The following ZNF451 variants were observed in gnomAD, a reference collection of about 807,000 sequenced individuals.
The protein encoded by ZNF451 is E3 SUMO-protein ligase ZNF451.
Under a neutral mutation model 107.1 loss-of-function variants are expected in ZNF451, and 80 were observed. The observed-to-expected ratio is 0.75, with a 90% CI of 0.62 to 0.90. The LOEUF (loss-of-function observed/expected upper bound fraction) is 0.90. Among genes scored for constraint, ZNF451 ranks in the 40% least tolerant of loss-of-function variants. The probability of loss-of-function intolerance (pLI) is 0.00; values close to 1 mark genes in which losing one functional copy is unlikely to be tolerated. For missense variants in ZNF451, 1,107 were observed against 1,236.2 expected (o/e 0.90, Z 1.57); for synonymous variants, 362 against 406.5 (o/e 0.89, Z 1.32).
chr6:57,147,872 C>G lies in ZNF451; in HGVS notation c.1787C>G (p.Ser596Cys). ...TCAGCTATTACTGTTATTGATCATT[C>G]CCCGGCAAATAGTTCTCCGAGGGGT... Reference protein sequence around the residue: ...PSSAITVIDHSPANSSPRGKW... With the variant: ...PSSAITVIDHCPANSSPRGKW... Residue 596 changes from serine to cysteine, a missense_variant, in exon 10 of 15, where the codon TCC becomes TGC. Ser to Cys is a moderately radical substitution (Grantham distance 112). This residue lies in a region of ZNF451 where 608 missense variants were observed against 649.2 expected (regional missense o/e 0.94). Coordinates refer to ENST00000370706, the MANE Select transcript of ZNF451 (RefSeq NM_001031623.3). 1.2e-6 allele frequency: 2 copies of G among 1,614,114 alleles called. No individual in the cohort carries two copies. The highest frequency in any genetic ancestry group is 1.7e-6 in the Non-Finnish European group (2 of 1,179,998).
intron 2 of ZNF451, among the ~76,000 whole-genome samples, chr6:57,095,613 G>A (rs76474754): frequency 5.3e-5 from 8 of 151,528 alleles, no homozygotes; most frequent in African/African-American, 1.5e-4. Context: ...GATTATAGGC[G>A]TGATCTACCA....
chr6:57,160,400 C>T (rs1763620225), intron 13 of ZNF451, among the ~76,000 whole-genome samples: 1 of 151,610 alleles, frequency 6.6e-6, no homozygotes, highest in Non-Finnish European at 1.5e-5. Flanking sequence ...GTGGCGTGAT[C>T]TCAGCTCACT....
intron 9 of ZNF451, among the ~76,000 whole-genome samples, chr6:57,144,367 A>G (rs1398062409): frequency 6.6e-6 from 1 of 150,924 alleles, no homozygotes; most frequent in East Asian, 2.0e-4. Flanking sequence ...CAGCCTCCCA[A>G]GTACCTGGGA....
chr6:57,119,498 T>C (rs1830532469), intron 3 of ZNF451, among the ~76,000 whole-genome samples: 1 of 152,040 alleles, frequency 6.6e-6, no homozygotes, highest in African/African-American at 2.4e-5. Flanking sequence ...CACTCCAGCC[T>C]GGGTGACAGA....
Position 57,154,032 on chromosome 6 carries a change from T to C in ZNF451, c.3055T>C (p.Ser1019Pro). Residue 1019 changes from serine (S) to proline (P), a missense_variant, in exon 13 of 15, where the codon TCT becomes CCT. Transcript: ENST00000370706. ...GATGTGTGCCTTGTTAAATAGCATA[T>C]CTGATACCACCAAAGGTACGCAGCT... ...DMMCALLNSI[S>P]DTTKECDSDD... The C allele has an allele frequency of 6.2e-7, 1 of 1,614,136 alleles. No homozygotes were observed. The highest frequency in any genetic ancestry group is 1.3e-5 in the African/African-American group (1 of 75,028).
intron 7 of ZNF451, among the ~76,000 whole-genome samples, chr6:57,136,071 G>A (rs968924969): frequency 2.0e-5 from 3 of 152,130 alleles, no homozygotes; most frequent in Admixed American, 6.6e-5. Flanking sequence ...CAGAACAGAT[G>A]TGCATCTTGA....
chr6:57,148,529 T>TA lies in ZNF451; in HGVS notation c.2445dup (p.Gln816ThrfsTer11). ...CATTTCCATAGAAAACATTGCTTCTTACAGAAACCCAGTGTGGCTCATTTT... is the reference window on the plus strand; with the variant it reads ...CATTTCCATAGAAAACATTGCTTCTTAACAGAAACCCAGTGTGGCTCATTTT... On this transcript the variant is annotated frameshift_variant, in exon 10 of 15. Transcript: ENST00000370706. LOFTEE classifies it high-confidence loss of function. 6 of 1,614,136 alleles carry TA rather than the reference T, an allele frequency of 3.7e-6. No homozygotes were observed. The highest frequency in any genetic ancestry group is 5.1e-6 in the Non-Finnish European group (6 of 1,179,978).
chr6:57,098,509 T>C (rs962630574), intron 2 of ZNF451, among the ~76,000 whole-genome samples: 1 of 152,158 alleles, frequency 6.6e-6, no homozygotes. Context: ...ACAGTTCTCA[T>C]GTTATTGTCT....
Position 57,141,354 on chromosome 6 carries a change from G to A in ZNF451, c.755G>A (p.Cys252Tyr), listed in dbSNP as rs1327224714. ...AACCTTCTTCCTCAGATTATTCAGTGTTTTGCATGTCCAAATTGCTTCCTT... is the reference window on the plus strand; with the variant it reads ...AACCTTCTTCCTCAGATTATTCAGTATTTTGCATGTCCAAATTGCTTCCTT... ...NNNLLPQIIQ[C>Y]FACPNCFLLF... Residue 252 changes from cysteine to tyrosine, a missense_variant, in exon 8 of 15, where the codon TGT (cysteine) becomes TAT (tyrosine). Transcript: ENST00000370706. The A allele has an allele frequency of 6.2e-7, 1 of 1,613,178 alleles. No individual in the cohort carries two copies. The highest frequency in any genetic ancestry group is 8.5e-7 in the Non-Finnish European group (1 of 1,179,560).
rs1011847282 is a variant in ZNF451 at position 57,170,211 on chromosome 6, C to T, written c.*1742C>T. ...AATCATCTTAAAATTCATACTTTGA[C>T]TTTAATTTAGACACAAGGAGATGTA... is the stretch of plus-strand genomic sequence containing the variant. On this transcript the variant is annotated 3_prime_UTR_variant, in exon 15 of 15. Transcript: ENST00000370706. 1.2e-4 allele frequency: 18 copies of T among 152,130 alleles called. No individual in the cohort carries two copies. Among genetic ancestry groups the T allele is most frequent in the African/African-American group, 4.3e-4 (18 of 41,418 alleles). The allele number at this position is 152,130 out of a possible 1,614,324, so 9.4% of individuals were successfully genotyped here.
intron 14 of ZNF451, among the ~76,000 whole-genome samples, chr6:57,168,097 A>G (rs1763977306): frequency 6.6e-6 from 1 of 152,206 alleles, no homozygotes; most frequent in Non-Finnish European, 1.5e-5. Flanking sequence ...CTTTTAGCAA[A>G]TAAGTGATAC....
chr6:57,107,447 T>G, intron 3 of ZNF451: 1 of 985,422 alleles, frequency 1.0e-6, no homozygotes, highest in Non-Finnish European at 1.2e-6. Flanking sequence ...CTTTGATTTT[T>G]GAACTTAAAT....
chr6:57,163,152 G>A (rs569864252), intron 14 of ZNF451, among the ~76,000 whole-genome samples: 2 of 152,016 alleles, frequency 1.3e-5, no homozygotes, highest in South Asian at 2.1e-4. Flanking sequence ...GAGCTAACTC[G>A]AATTTTATCT....
At chr6:57,118,042 G>A (rs957603499) in intron 3 of ZNF451, among the ~76,000 whole-genome samples, 1 of 152,186 alleles carries the variant, frequency 6.6e-6, no homozygotes, top group African/African-American at 2.4e-5. Flanking sequence ...GGCTGCATAA[G>A]TGACTTAATG....
intron 4 of ZNF451, among the ~76,000 whole-genome samples, chr6:57,128,059 C>T (rs559268049): frequency 2.0e-5 from 3 of 152,250 alleles, no homozygotes; most frequent in Non-Finnish European, 2.9e-5. Context: ...ATTAACTAGC[C>T]TTTGTGGAAA....
chr6:57,141,861 C>G, intron 8 of ZNF451, 87 bp from the exon 9 acceptor site: 1 of 1,165,564 alleles, frequency 8.6e-7, no homozygotes, highest in Non-Finnish European at 1.2e-6. Flanking sequence ...CTTACTCCAA[C>G]TAATGTTGAG....
chr6:57,132,820 A>G (rs988871841), intron 5 of ZNF451, among the ~76,000 whole-genome samples: 14 of 152,166 alleles, frequency 9.2e-5, no homozygotes, highest in African/African-American at 3.4e-4. Context: ...TCAAAAAAAA[A>G]AGAGAATGCT....
intron 4 of ZNF451, among the ~76,000 whole-genome samples, chr6:57,128,474 T>C (rs1224243528): frequency 6.6e-6 from 1 of 152,204 alleles, no homozygotes; most frequent in African/African-American, 2.4e-5. Context: ...CCATCAAATG[T>C]ACATACCATA....
intron 11 of ZNF451, chr6:57,151,718 G>A (rs1832359778): frequency 6.6e-6 from 1 of 152,484 alleles, no homozygotes; most frequent in Non-Finnish European, 1.5e-5. Context: ...GACCAAACTT[G>A]GGGGAGAGGC....
Sources: gnomAD v4.1 joint callset for allele counts (sites outside exome capture counted in the v4.1 genomes callset) on GRCh38, gnomAD v4.1.1 for gene constraint, gnomAD v4.1.1 regional missense constraint, MANE v1.5 for transcripts, NCBI Gene and HGNC (gene_info 2026-07-23, HGNC 2026-07-21) for gene names.